SCHIP1: variants seen among roughly 807,000 people sequenced by gnomAD.
SCHIP1 encodes the protein schwannomin interacting protein 1, also known as schwannomin-interacting protein 1.
SCHIP1 carries 8 observed loss-of-function variants against 29.7 expected under a neutral mutation model. That is an observed-to-expected ratio of 0.27 (90% CI 0.16 to 0.49). The LOEUF (loss-of-function observed/expected upper bound fraction) is 0.49. Among genes scored for constraint, SCHIP1 ranks in the 20% least tolerant of loss-of-function variants. The probability of loss-of-function intolerance (pLI) is 0.99; values close to 1 mark genes in which losing one functional copy is unlikely to be tolerated. For synonymous variants in SCHIP1, 76 were observed against 94.9 expected (o/e 0.80, Z 1.16); for missense variants, 193 against 294.6 (o/e 0.66, Z 2.52).
At chr3:159,640,232 G>A in the SCHIP1 span, among the ~76,000 whole-genome samples, 1 of 152,138 alleles carries the variant, frequency 6.6e-6, no homozygotes, top group Non-Finnish European at 1.5e-5. Context: ...TGCTCTTCCA[G>A]CATACGGAAC....
At chr3:159,402,001 G>A in the SCHIP1 span, among the ~76,000 whole-genome samples, 2 of 152,106 alleles carry the variant, frequency 1.3e-5, no homozygotes, top group South Asian at 4.1e-4. Context: ...GCAACCTACA[G>A]AATGGGAGAA....
chr3:159,857,194 C>A (rs946546857), intron 1 of SCHIP1, among the ~76,000 whole-genome samples: 1 of 152,306 alleles, frequency 6.6e-6, no homozygotes, highest in Non-Finnish European at 1.5e-5. Context: ...TGGCACACCT[C>A]GGTTAGCCAG....
chr3:159,469,722 C>T, the SCHIP1 span, among the ~76,000 whole-genome samples: 1 of 151,980 alleles, frequency 6.6e-6, no homozygotes, highest in African/African-American at 2.4e-5. Context: ...TACATGAGTC[C>T]CTGATGAGTT....
chr3:159,496,212 A>T, the SCHIP1 span, among the ~76,000 whole-genome samples: 1 of 152,246 alleles, frequency 6.6e-6, no homozygotes, highest in African/African-American at 2.4e-5. Flanking sequence ...TTCATGTCTA[A>T]AACACCAAAA....
At chr3:159,284,103 T>C in the SCHIP1 span, among the ~76,000 whole-genome samples, 49,981 of 152,046 alleles carry the variant, frequency 0.33, 9,108 homozygotes, top group Non-Finnish European at 0.42. Context: ...GTCTCTAATT[T>C]CATATAGCAT....
the SCHIP1 span, among the ~76,000 whole-genome samples, chr3:159,756,424 C>T: frequency 3.3e-5 from 5 of 152,296 alleles, no homozygotes; most frequent in South Asian, 1.0e-3. Context: ...ACATAGGGCA[C>T]CAAGTCTCTA....
the SCHIP1 span, among the ~76,000 whole-genome samples, chr3:159,772,261 A>G: frequency 6.6e-6 from 1 of 151,934 alleles, no homozygotes; most frequent in African/African-American, 2.4e-5. Flanking sequence ...AGCAATTCTC[A>G]TGCCTCAGCC....
At chr3:159,504,401 T>G in the SCHIP1 span, among the ~76,000 whole-genome samples, 1 of 152,198 alleles carries the variant, frequency 6.6e-6, no homozygotes, top group African/African-American at 2.4e-5. Flanking sequence ...TCATGGTGGT[T>G]GCTGAAAATA....
chr3:159,571,673 A>G, the SCHIP1 span, among the ~76,000 whole-genome samples: 1,063 of 152,200 alleles, frequency 7.0e-3, 8 homozygotes, highest in African/African-American at 0.025. Flanking sequence ...CTCTTTGTCT[A>G]TTGATTGGAA....
At chr3:159,565,267 C>T in the SCHIP1 span, among the ~76,000 whole-genome samples, 69 of 152,282 alleles carry the variant, frequency 4.5e-4, no homozygotes, top group Non-Finnish European at 6.9e-4. Flanking sequence ...ACACGAAAGT[C>T]ATTTTTATTT....
the SCHIP1 span, among the ~76,000 whole-genome samples, chr3:159,678,808 C>T: frequency 6.6e-6 from 1 of 152,210 alleles, no homozygotes; most frequent in South Asian, 2.1e-4. Context: ...CACCTCTTCA[C>T]AGAGTGGCAG....
chr3:159,380,911 G>A, the SCHIP1 span, among the ~76,000 whole-genome samples: 1 of 152,162 alleles, frequency 6.6e-6, no homozygotes, highest in Admixed American at 6.5e-5. Context: ...TAAAAGACGT[G>A]TTGTATATGG....
At chr3:159,608,668 A>G in the SCHIP1 span, among the ~76,000 whole-genome samples, 2 of 152,210 alleles carry the variant, frequency 1.3e-5, no homozygotes, top group Non-Finnish European at 2.9e-5. Flanking sequence ...TAGCTCTACA[A>G]AGAAAGTTTG....
intron 2 of SCHIP1, among the ~76,000 whole-genome samples, chr3:159,881,357 T>G (rs1423336167): frequency 6.6e-6 from 1 of 152,156 alleles, no homozygotes; most frequent in East Asian, 1.9e-4. Context: ...TAAATGGAAA[T>G]AATGTATTTT....
the SCHIP1 span, among the ~76,000 whole-genome samples, chr3:159,529,084 T>C: frequency 6.6e-6 from 1 of 152,120 alleles, no homozygotes; most frequent in African/African-American, 2.4e-5. Context: ...ATAATGTATA[T>C]AATAACCATA....
At chr3:159,333,638 G>C in the SCHIP1 span, among the ~76,000 whole-genome samples, 1 of 152,220 alleles carries the variant, frequency 6.6e-6, no homozygotes, top group Non-Finnish European at 1.5e-5. Context: ...ATATAGCAAA[G>C]ACTACTCCTA....
At chr3:159,398,897 G>A in the SCHIP1 span, 3 of 905,962 alleles carry the variant, frequency 3.3e-6, no homozygotes, top group Non-Finnish European at 4.0e-6. Context: ...GAAACGTCCT[G>A]CAGACAGTCA....
chr3:159,600,077 G>A, the SCHIP1 span, among the ~76,000 whole-genome samples: 1 of 152,154 alleles, frequency 6.6e-6, no homozygotes, highest in African/African-American at 2.4e-5. Context: ...TGAGAAATCT[G>A]TGGTTAGTCT....
chr3:159,808,706 C>CA, the SCHIP1 span: 3 of 152,200 alleles, frequency 2.0e-5, 1 homozygote, highest in South Asian at 4.1e-4. Flanking sequence ...CTAATGACTA[C>CA]AAAAAACCCC....
Sources: allele counts gnomAD v4.1 joint callset (sites outside exome capture counted in the v4.1 genomes callset), GRCh38; gene constraint gnomAD v4.1.1; transcripts MANE v1.5; gene names NCBI Gene and HGNC (gene_info 2026-07-23, HGNC 2026-07-21).